SPATS2: variants seen among roughly 807,000 people sequenced by gnomAD.
The protein encoded by SPATS2 is spermatogenesis associated serine rich 2.
Under a neutral mutation model 63.7 loss-of-function variants are expected in SPATS2, and 38 were observed. The ratio of observed to expected loss-of-function variants is 0.60; its 90% confidence interval spans 0.46 to 0.78. The LOEUF (loss-of-function observed/expected upper bound fraction) is 0.78, where lower values mean the gene tolerates loss of function less well. SPATS2 is among the 30% of genes least tolerant of loss of function. The pLI, the probability that SPATS2 is intolerant of heterozygous loss-of-function variation, is 0.00. For missense variants in SPATS2, 588 were observed against 666.2 expected (o/e 0.88, Z 1.29); for synonymous variants, 207 against 232.9 (o/e 0.89, Z 1.01).
chr12:49,485,289 C>T (rs1035667230), intron 4 of SPATS2, among the ~76,000 whole-genome samples: 2 of 151,806 alleles, frequency 1.3e-5, no homozygotes, highest in East Asian at 1.9e-4. Flanking sequence ...CTCCTGACCT[C>T]GTAATCTGCC....
At chr12:49,411,235 C>T (rs906002297) in intron 2 of SPATS2, among the ~76,000 whole-genome samples, 1 of 152,132 alleles carries the variant, frequency 6.6e-6, no homozygotes, top group African/African-American at 2.4e-5. Flanking sequence ...TTAGCATACT[C>T]AGTCCTCTTG....
chr12:49,426,629 C>T (rs1288991894), intron 2 of SPATS2, among the ~76,000 whole-genome samples: 3 of 152,122 alleles, frequency 2.0e-5, no homozygotes, highest in Non-Finnish European at 2.9e-5. Flanking sequence ...CTGCAAGCTC[C>T]GCCTCCCGGG....
chr12:49,482,591 A>G (rs1482801204), intron 3 of SPATS2, among the ~76,000 whole-genome samples: 1 of 152,202 alleles, frequency 6.6e-6, no homozygotes, highest in Non-Finnish European at 1.5e-5. Context: ...ACTCTTTGCT[A>G]ACACCTTTGA....
intron 2 of SPATS2, among the ~76,000 whole-genome samples, chr12:49,407,218 A>G (rs1944712517): frequency 6.6e-6 from 1 of 152,040 alleles, no homozygotes; most frequent in South Asian, 2.1e-4. Context: ...GGATTGTTGC[A>G]TTAGTCTTCT....
intron 2 of SPATS2, among the ~76,000 whole-genome samples, chr12:49,428,457 GGCT>G (rs1414128516): frequency 6.6e-6 from 1 of 152,088 alleles, no homozygotes; most frequent in Non-Finnish European, 1.5e-5. Flanking sequence ...CCTAGCCTCT[GGCT>G]GCTACCAGTC....
chr12:49,462,498 C>T (rs1945839534), intron 3 of SPATS2: 1 of 698,344 alleles, frequency 1.4e-6, no homozygotes, highest in Non-Finnish European at 2.6e-6. Context: ...GGCCCTTTCC[C>T]CCCGTGTGTG....
chr12:49,515,447 G>A (rs1419321785), intron 10 of SPATS2, among the ~76,000 whole-genome samples: 1 of 152,228 alleles, frequency 6.6e-6, no homozygotes, highest in Non-Finnish European at 1.5e-5. Flanking sequence ...ATGACTCACA[G>A]TTAAATCACT....
intron 2 of SPATS2, among the ~76,000 whole-genome samples, chr12:49,385,357 A>AGTGTGTGTGTGTGTGTGT (rs57896651): frequency 9.1e-5 from 13 of 142,090 alleles, no homozygotes; most frequent in African/African-American, 3.1e-4. Flanking sequence ...TAAGTATATA[A>AGTGTGTGTGTGTGTGTGT]GTGTGTGTGT....
chr12:49,506,632 A>C (rs1469293384), intron 9 of SPATS2, among the ~76,000 whole-genome samples: 1 of 152,136 alleles, frequency 6.6e-6, no homozygotes, highest in Non-Finnish European at 1.5e-5. Flanking sequence ...GGATTACTTG[A>C]GTCCAGGAGT....
intron 4 of SPATS2, among the ~76,000 whole-genome samples, chr12:49,485,446 C>G (rs1463390751): frequency 6.6e-6 from 1 of 152,110 alleles, no homozygotes; most frequent in African/African-American, 2.4e-5. Context: ...ACTGCAATCT[C>G]TGCCTCCTGG....
At chr12:49,435,395 G>A (rs1945258428) in intron 2 of SPATS2, among the ~76,000 whole-genome samples, 1 of 150,092 alleles carries the variant, frequency 6.7e-6, no homozygotes, top group Non-Finnish European at 1.5e-5. Context: ...TATGATCTTG[G>A]CTTACTGCAG....
chr12:49,409,619 T>C (rs919874143), intron 2 of SPATS2, among the ~76,000 whole-genome samples: 30 of 141,744 alleles, frequency 2.1e-4, no homozygotes, highest in African/African-American at 7.1e-4. Flanking sequence ...TTTTTTTTTT[T>C]CAGATGGAGT....
chr12:49,500,005 G>A (rs113404880), intron 8 of SPATS2, 65 bp from the exon 9 acceptor site: 21 of 1,256,676 alleles, frequency 1.7e-5, no homozygotes, highest in African/African-American at 7.9e-5. Context: ...GTTCAGATCC[G>A]ACTTTCAAGT....
At chr12:49,410,550 T>A (rs1273118097) in intron 2 of SPATS2, among the ~76,000 whole-genome samples, 1 of 152,180 alleles carries the variant, frequency 6.6e-6, no homozygotes, top group Non-Finnish European at 1.5e-5. Flanking sequence ...CATTTTGTGT[T>A]GTATAATGGA....
At chr12:49,486,746 A>G (rs987575369) in intron 4 of SPATS2, among the ~76,000 whole-genome samples, 1 of 150,456 alleles carries the variant, frequency 6.6e-6, no homozygotes, top group African/African-American at 2.4e-5. Flanking sequence ...GTGCCACTGC[A>G]CTCCAGCTTA....
At chr12:49,517,823 G>GA (rs772802556) in intron 10 of SPATS2, among the ~76,000 whole-genome samples, 1 of 152,068 alleles carries the variant, frequency 6.6e-6, no homozygotes, top group Non-Finnish European at 1.5e-5. Context: ...AGAAAATATA[G>GA]ATTTTTTTTT....
chr12:49,487,545 G>A (rs1946315494), intron 4 of SPATS2, among the ~76,000 whole-genome samples: 1 of 152,114 alleles, frequency 6.6e-6, no homozygotes, highest in Non-Finnish European at 1.5e-5. Context: ...CCCTGAAGGT[G>A]CAATATTTTT....
chr12:49,476,246 C>T (rs990115126), intron 3 of SPATS2, among the ~76,000 whole-genome samples: 1 of 152,032 alleles, frequency 6.6e-6, no homozygotes, highest in Non-Finnish European at 1.5e-5. Context: ...GACAGTCACC[C>T]GCACGCCAGC....
At position 49,519,125 on chromosome 12, in the gene SPATS2, T is replaced by A. The variant is rs1365837076; in HGVS notation, c.951T>A (p.Thr317=). The change falls in exon 11 of 14, where the codon ACT becomes ACA. Residue 317 remains threonine (T), a synonymous_variant. Transcript: ENST00000552918. The part of the protein sequence containing the change: ...QKKAELLKKM[T]HVAVQMSEQQ... ...AGGCTGAACTTCTAAAGAAGATGAC[T>A]CATGTGGCTGTTCAAATGTCAGAGC... is the stretch of plus-strand genomic sequence containing the variant. 2 of 1,614,008 alleles carry A rather than the reference T, an allele frequency of 1.2e-6. No homozygotes were observed. The highest frequency in any genetic ancestry group is 2.7e-5 in the African/African-American group (2 of 74,932).
Sources: allele counts gnomAD v4.1 joint callset (sites outside exome capture counted in the v4.1 genomes callset), GRCh38; gene constraint gnomAD v4.1.1; transcripts MANE v1.5; gene names NCBI Gene and HGNC (gene_info 2026-07-23, HGNC 2026-07-21).